TAFA4: variants seen among roughly 807,000 people sequenced by gnomAD.
TAFA4 encodes the protein TAFA chemokine like family member 4, also known as chemokine-like protein TAFA-4.
TAFA4 carries 20 observed loss-of-function variants against 21.1 expected under a neutral mutation model. That is an observed-to-expected ratio of 0.95 (90% CI 0.67 to 1.38). The LOEUF (loss-of-function observed/expected upper bound fraction) is 1.38, where lower values mean the gene tolerates loss of function less well. TAFA4 is among the 40% of genes most tolerant of loss of function. TAFA4 has a pLI of 0.00. For missense variants in TAFA4, 211 were observed against 180.9 expected (o/e 1.17, Z -0.95); for synonymous variants, 71 against 67.4 (o/e 1.05, Z -0.26).
intron 2 of TAFA4, among the ~76,000 whole-genome samples, chr3:68,881,808 C>T (rs916820433): frequency 6.6e-5 from 10 of 152,142 alleles, no homozygotes; most frequent in African/African-American, 2.4e-4. Flanking sequence ...CTGAGTCACA[C>T]TATAGGCAAG....
chr3:68,837,969 A>T (rs553853482), intron 3 of TAFA4, among the ~76,000 whole-genome samples: 2 of 152,256 alleles, frequency 1.3e-5, no homozygotes, highest in South Asian at 4.1e-4. Context: ...TCTCTAAATC[A>T]AGCTAATTAA....
chr3:68,888,666 G>T (rs909961979), intron 1 of TAFA4, among the ~76,000 whole-genome samples: 1 of 151,950 alleles, frequency 6.6e-6, no homozygotes. Context: ...TAATATCAAG[G>T]TGCCAGCATC....
chr3:68,831,056 C>A (rs1704375809), intron 3 of TAFA4, among the ~76,000 whole-genome samples: 1 of 152,010 alleles, frequency 6.6e-6, no homozygotes, highest in Non-Finnish European at 1.5e-5. Flanking sequence ...TCTTCCTCCA[C>A]CTCTTTATTT....
intron 3 of TAFA4, among the ~76,000 whole-genome samples, chr3:68,777,031 A>G (rs1703060734): frequency 6.6e-6 from 1 of 152,156 alleles, no homozygotes; most frequent in Admixed American, 6.5e-5. Context: ...CAGCACAATA[A>G]GAAATAATAA....
intron 4 of TAFA4, among the ~76,000 whole-genome samples, chr3:68,741,662 G>A (rs1356583712): frequency 1.3e-5 from 2 of 151,994 alleles, no homozygotes; most frequent in Non-Finnish European, 2.9e-5. Context: ...GTGGTGGCCG[G>A]TGCTTGTAGT....
intron 3 of TAFA4, among the ~76,000 whole-genome samples, chr3:68,830,552 A>G (rs1281674281): frequency 6.6e-6 from 1 of 152,092 alleles, no homozygotes. Flanking sequence ...GGTCTGAGAG[A>G]CAGTTTGTTG....
intron 3 of TAFA4, among the ~76,000 whole-genome samples, chr3:68,827,102 T>C (rs186514495): frequency 6.5e-4 from 98 of 150,226 alleles, no homozygotes; most frequent in Admixed American, 1.2e-3. Flanking sequence ...GTTCTCATTA[T>C]TCAGCTCCCA....
chr3:68,836,139 G>C (rs554664686), intron 3 of TAFA4, among the ~76,000 whole-genome samples: 1 of 152,138 alleles, frequency 6.6e-6, no homozygotes, highest in Non-Finnish European at 1.5e-5. Context: ...CTCCCGCTTC[G>C]GGCCCCTTAT....
chr3:68,783,078 C>G (rs999363148), intron 3 of TAFA4, among the ~76,000 whole-genome samples: 10 of 152,166 alleles, frequency 6.6e-5, no homozygotes, highest in Non-Finnish European at 1.3e-4. Flanking sequence ...AATTCAACAT[C>G]CATTCATAAG....
chr3:68,749,684 TTAGGTATAGGAGACACAAGTTGA>T (rs1324124476), intron 4 of TAFA4, among the ~76,000 whole-genome samples: 2 of 152,208 alleles, frequency 1.3e-5, no homozygotes, highest in Non-Finnish European at 2.9e-5. Context: ...CCAGACAATG[TTAGGTATAGGAGACACAAGTTGA>T]AAGACACAAT....
intron 4 of TAFA4, among the ~76,000 whole-genome samples, chr3:68,746,910 C>A (rs77610734): frequency 2.6e-5 from 4 of 152,150 alleles, no homozygotes; most frequent in East Asian, 1.9e-4. Context: ...TTTATCGTGG[C>A]GGTCAATCCT....
chr3:68,753,049 C>T (rs919807607), intron 3 of TAFA4, 31 bp from the exon 4 acceptor site: 3 of 1,600,824 alleles, frequency 1.9e-6, no homozygotes, highest in Admixed American at 3.4e-5. Flanking sequence ...AAAACAAACC[C>T]AGTGCTGTTA....
chr3:68,922,074 C>G (rs1032030190), intron 1 of TAFA4, among the ~76,000 whole-genome samples: 6 of 152,150 alleles, frequency 3.9e-5, no homozygotes, highest in African/African-American at 1.4e-4. Context: ...GACAAGCTTA[C>G]CAACATATGA....
intron 3 of TAFA4, among the ~76,000 whole-genome samples, chr3:68,873,711 T>A (rs1178813098): frequency 6.6e-6 from 1 of 152,164 alleles, no homozygotes; most frequent in Non-Finnish European, 1.5e-5. Flanking sequence ...AAGTGCCACT[T>A]GAAAGACAAG....
intron 1 of TAFA4, among the ~76,000 whole-genome samples, chr3:68,890,114 G>A (rs1051649286): frequency 2.0e-5 from 3 of 152,142 alleles, no homozygotes; most frequent in African/African-American, 7.2e-5. Context: ...AGAGGCAAAT[G>A]CCTCCCATTT....
chr3:68,843,816 C>T (rs956113515), intron 3 of TAFA4, among the ~76,000 whole-genome samples: 1 of 152,216 alleles, frequency 6.6e-6, no homozygotes, highest in Non-Finnish European at 1.5e-5. Context: ...TGATGGATTA[C>T]AGTTATTTAT....
At chr3:68,735,748 A>G (rs959873641) in intron 5 of TAFA4, among the ~76,000 whole-genome samples, 19 of 152,148 alleles carry the variant, frequency 1.2e-4, no homozygotes, top group Non-Finnish European at 2.4e-4. Flanking sequence ...ACTTTGAAAA[A>G]CAAAATGAAG....
intron 3 of TAFA4, among the ~76,000 whole-genome samples, chr3:68,871,091 C>CT (rs763872389): frequency 4.6e-5 from 7 of 152,086 alleles, no homozygotes; most frequent in African/African-American, 7.2e-5. Context: ...AATGGGAATG[C>CT]TTTTACACTG....
chr3:68,741,442 G>A (rs1445880461), intron 4 of TAFA4, among the ~76,000 whole-genome samples: 3 of 152,116 alleles, frequency 2.0e-5, no homozygotes, highest in African/African-American at 7.2e-5. Flanking sequence ...ATGCGACTGA[G>A]TTTTGGATGT....
Sources: allele counts gnomAD v4.1 joint callset (sites outside exome capture counted in the v4.1 genomes callset), GRCh38; gene constraint gnomAD v4.1.1; transcripts MANE v1.5; gene names NCBI Gene and HGNC (gene_info 2026-07-23, HGNC 2026-07-21).